TEX47: variants seen among roughly 807,000 people sequenced by gnomAD.
The protein encoded by TEX47 is testis expressed 47, also known as testis-expressed protein 47.
In TEX47, 18 loss-of-function variants were observed where a neutral mutation model predicts 18.0. That is an observed-to-expected ratio of 1.00 (90% CI 0.69 to 1.48). The LOEUF is 1.48. TEX47 is among the 40% of genes most tolerant of loss of function. The pLI, the probability that TEX47 is intolerant of heterozygous loss-of-function variation, is 0.00. For missense variants in TEX47, 303 were observed against 300.2 expected (o/e 1.01, Z -0.07); for synonymous variants, 98 against 109.4 (o/e 0.90, Z 0.65).
In TEX47 at chr7:88,794,759, T is replaced by C. The variant is rs1344173304; in HGVS notation, c.184A>G (p.Arg62Gly). ...LVAKIQANVE[R>G]KDVADYYEQM... ...TCATAGTAGTCAGCAACATCTTTTC[T>C]TTCTACATTTGCTTGTATCTTGGCC... Residue 62 changes from arginine to glycine, a missense_variant, in exon 2 of 2, where the codon AGA becomes GGA. Coordinates refer to ENST00000297203, the MANE Select transcript of TEX47 (RefSeq NM_152706.4). 6 of 1,613,502 alleles carry C rather than the reference T, an allele frequency of 3.7e-6. No individual in the cohort carries two copies. The highest frequency in any genetic ancestry group is 4.2e-6 in the Non-Finnish European group (5 of 1,179,770).
At position 88,794,228 on chromosome 7, in the gene TEX47, T is replaced by C. The variant is rs1216455688; in HGVS notation, c.715A>G (p.Ile239Val). Residue 239 changes from isoleucine to valine, a missense_variant, in exon 2 of 2, where the codon ATC becomes GTC. Ile to Val is a conservative substitution (Grantham distance 29, BLOSUM62 3). Coordinates refer to ENST00000297203, the MANE Select transcript of TEX47 (RefSeq NM_152706.4). ...FINMYNRPIH[I>V]TLDSEVVWPA... ...CATACCACCTCAGAATCCAGAGTGA[T>C]GTGTATGGGTCTATTATACATGTTT... The C allele has an allele frequency of 1.9e-6, 3 of 1,613,152 alleles. No individual in the cohort carries two copies. The African/African-American group carries it at 4.0e-5, about 22-fold the overall frequency.
intron 1 of TEX47, 106 bp from the exon 2 acceptor site, chr7:88,795,152 GAC>G (rs1201589971): frequency 7.1e-6 from 3 of 425,484 alleles, no homozygotes; most frequent in Non-Finnish European, 1.2e-5. Context: ...TGAAATGAAA[GAC>G]AATGTTAAAA....
intron 1 of TEX47, among the ~76,000 whole-genome samples, chr7:88,795,406 C>T (rs1252813310): frequency 6.6e-6 from 1 of 151,994 alleles, no homozygotes; most frequent in African/African-American, 2.4e-5. Context: ...AACCTTTAGT[C>T]ATGTCACTAA....
In TEX47 at chr7:88,795,021, C is replaced by A; in HGVS notation, c.-79G>T. 1.7e-6 allele frequency: 2 copies of A among 1,197,132 alleles called. No homozygotes were observed. The highest frequency in any genetic ancestry group is 2.3e-6 in the Non-Finnish European group (2 of 882,436). The allele number at this position is 1,197,132 out of a possible 1,614,324, so 74.2% of individuals were successfully genotyped here. A position where few individuals can be genotyped will look rare whatever the true frequency, so the allele number is the denominator to read the frequency against. Reference sequence around the variant, plus strand: ...TTTATGCTGCCAGGGTACCTCTTTACTGATGAACTCGTGTTTTTATTTCTT... The same window carrying A: ...TTTATGCTGCCAGGGTACCTCTTTAATGATGAACTCGTGTTTTTATTTCTT... On this transcript the variant is annotated 5_prime_UTR_variant, in exon 2 of 2. Coordinates refer to ENST00000297203, the MANE Select transcript of TEX47 (RefSeq NM_152706.4).
Position 88,794,780 on chromosome 7 carries a change from T to A in TEX47, c.163A>T (p.Lys55Ter), listed in dbSNP as rs967737879. ...FLLDRMFLVA[K>*]IQANVERKDV... ...TTTCTTTCTACATTTGCTTGTATCT[T>A]GGCCACTAGAAACATCCTATCAAGA... The change falls in exon 2 of 2, where the codon AAG becomes TAG. Residue 55 changes from lysine to a stop codon, truncating the protein, a stop_gained. Transcript: ENST00000297203. LOFTEE classifies it high-confidence loss of function. 1 of 1,613,808 alleles carries A rather than the reference T, an allele frequency of 6.2e-7. No homozygotes were observed.
rs535588293 is a variant in TEX47 at position 88,795,178 on chromosome 7, A to G, written c.-104-132T>C. ...ACAATGTTAAAACAATACTCAAACT[A>G]TAGACTTTTTTAAAAGTTTACAACG... On this transcript the variant is annotated intron_variant, in intron 1 of 1. Transcript: ENST00000297203. The G allele has an allele frequency of 1.0e-3, 361 of 352,536 alleles. 2 individuals are homozygous for G. The highest frequency in any genetic ancestry group is 1.6e-3 in the Middle Eastern group (2 of 1,274). 21.8% of individuals were successfully genotyped at this position (352,536 alleles called of 1,614,324 possible).
Position 88,794,711 on chromosome 7 carries a change from T to G in TEX47, c.232A>C (p.Lys78Gln), listed in dbSNP as rs145685489. 5.2e-4 allele frequency: 845 copies of G among 1,613,680 alleles called. 7 individuals are homozygous for G. In the East Asian group the frequency reaches 0.015, roughly 29 times the overall value. The change falls in exon 2 of 2, where the codon AAA becomes CAA. Residue 78 changes from lysine to glutamine, a missense_variant. Coordinates refer to ENST00000297203, the MANE Select transcript of TEX47 (RefSeq NM_152706.4). ...GTCACTGCTTCTCCTAGGTGATGTT[T>G]CAAAACTGACTGAAACATTTGTTCA... Reference protein sequence around the residue: ...YYEQMFQSVLKHHLGEAVTGL... With the variant: ...YYEQMFQSVLQHHLGEAVTGL...
At position 88,794,326 on chromosome 7, in the gene TEX47, T is replaced by C; in HGVS notation, c.617A>G (p.Asp206Gly). ...PGDNLHQVAPDLLLPEQIIKY... is the reference protein window; with the variant it reads ...PGDNLHQVAPGLLLPEQIIKY... ...TATGATTTGTTCTGGGAGGAGTAGGTCAGGTGCAACTTGGTGTAAGTTATC... is the reference window on the plus strand; with the variant it reads ...TATGATTTGTTCTGGGAGGAGTAGGCCAGGTGCAACTTGGTGTAAGTTATC... Residue 206 changes from aspartate to glycine, a missense_variant, in exon 2 of 2, where the codon GAC becomes GGC. Physicochemically the swap from Asp to Gly is moderately conservative, Grantham distance 94. Coordinates refer to ENST00000297203, the MANE Select transcript of TEX47 (RefSeq NM_152706.4). 4.3e-6 allele frequency: 7 copies of C among 1,613,924 alleles called. No individual in the cohort carries two copies. Among genetic ancestry groups the C allele is most frequent in the Non-Finnish European group, 5.9e-6 (7 of 1,179,916 alleles).
intron 1 of TEX47, 115 bp downstream of exon 1, chr7:88,795,525 C>G (rs1249738998): frequency 1.3e-5 from 2 of 152,038 alleles, no homozygotes; most frequent in African/African-American, 4.8e-5. Context: ...ATTTCTCCCC[C>G]CTTTATTTGT....
In TEX47 at chr7:88,794,825, G is replaced by T; in HGVS notation, c.118C>A (p.Leu40Ile). The change falls in exon 2 of 2, where the codon CTA becomes ATA. Residue 40 changes from leucine (L) to isoleucine (I), a missense_variant. Coordinates refer to ENST00000297203, the MANE Select transcript of TEX47 (RefSeq NM_152706.4). ...YLHFQEEKQR[L>I]HLKKFLLDRM... ...TCAAGAAGGAATTTCTTTAGGTGTA[G>T]TCGTTGTTTCTCTTCTTGAAAGTGC... The T allele has an allele frequency of 1.2e-6, 2 of 1,613,788 alleles. No homozygotes were observed. Among genetic ancestry groups the T allele is most frequent in the Non-Finnish European group, 1.7e-6 (2 of 1,179,806 alleles).
At position 88,794,131 on chromosome 7, in the gene TEX47, T is replaced by A. The variant is rs766638367; in HGVS notation, c.*50A>T. ...TAACTTTAAAAATGTTTTTTTTATTTAAGTAGCACAAACTCCTTAAGAGAC... is the reference window on the plus strand; with the variant it reads ...TAACTTTAAAAATGTTTTTTTTATTAAAGTAGCACAAACTCCTTAAGAGAC... On this transcript the variant is annotated 3_prime_UTR_variant, in exon 2 of 2. Coordinates refer to ENST00000297203, the MANE Select transcript of TEX47 (RefSeq NM_152706.4). 3.4e-6 allele frequency: 5 copies of A among 1,463,044 alleles called. No individual in the cohort carries two copies. In the South Asian group the frequency reaches 7.1e-5, roughly 21 times the overall value. 90.6% of individuals were successfully genotyped at this position (1,463,044 alleles called of 1,614,324 possible). A position where few individuals can be genotyped will look rare whatever the true frequency, so the allele number is the denominator to read the frequency against.
intron 1 of TEX47, 110 bp downstream of exon 1, chr7:88,795,530 A>G (rs1200763984): frequency 6.6e-6 from 1 of 151,420 alleles, no homozygotes; most frequent in East Asian, 1.9e-4. Flanking sequence ...TCCCCCCTTT[A>G]TTTGTTTTCT....
chr7:88,794,753 C>A lies in TEX47; in HGVS notation c.190G>T (p.Asp64Tyr). 1.2e-6 allele frequency: 2 copies of A among 1,613,480 alleles called. No homozygotes were observed. Among genetic ancestry groups the A allele is most frequent in the Non-Finnish European group, 1.7e-6 (2 of 1,179,720 alleles). ...ATTTGTTCATAGTAGTCAGCAACATCTTTTCTTTCTACATTTGCTTGTATC... is the reference window on the plus strand; with the variant it reads ...ATTTGTTCATAGTAGTCAGCAACATATTTTCTTTCTACATTTGCTTGTATC... ...AKIQANVERK[D>Y]VADYYEQMFQ... Residue 64 changes from aspartate (D) to tyrosine (Y), a missense_variant, in exon 2 of 2, where the codon GAT (aspartate) becomes TAT (tyrosine). By Grantham distance (160) the Asp-to-Tyr change is radical. Transcript: ENST00000297203.
Position 88,794,414 on chromosome 7 carries a change from G to T in TEX47, c.529C>A (p.Gln177Lys), listed in dbSNP as rs780941076. The change falls in exon 2 of 2, where the codon CAA (glutamine) becomes AAA (lysine). Residue 177 changes from glutamine to lysine, a missense_variant. Coordinates refer to ENST00000297203, the MANE Select transcript of TEX47 (RefSeq NM_152706.4). ...AGGTAGAGTGACAGTTTATGAGTTT[G>T]TGTGAGAAAATCTGTGATGACCTCC... is the stretch of plus-strand genomic sequence containing the variant. Reference protein sequence around the residue: ...LKEVITDFLTQTHKLSLYLCQ... With the variant: ...LKEVITDFLTKTHKLSLYLCQ... The T allele has an allele frequency of 6.2e-7, 1 of 1,613,692 alleles. No homozygotes were observed. The highest frequency in any genetic ancestry group is 2.2e-5 in the East Asian group (1 of 44,856).
chr7:88,794,977 C>G lies in TEX47; in HGVS notation c.-35G>C. 6.6e-7 allele frequency: 1 copy of G among 1,509,390 alleles called. No individual in the cohort carries two copies. The highest frequency in any genetic ancestry group is 2.3e-5 in the East Asian group (1 of 43,478). 93.5% of individuals were successfully genotyped at this position (1,509,390 alleles called of 1,614,324 possible). The stretch of plus-strand genomic sequence containing the variant: ...TATTTATTTTTCCAGATGATTCCAG[C>G]TTTTAGCTTATCATAATATTTATGC... On this transcript the variant is annotated 5_prime_UTR_variant, in exon 2 of 2. Transcript: ENST00000297203.
Position 88,794,459 on chromosome 7 carries a change from T to C in TEX47, c.484A>G (p.Thr162Ala), listed in dbSNP as rs201329404. ...ACCTCCTTTAGGGACTGTGACTGTGTCACATCGTCGAGATACATAACTGGA... is the reference window on the plus strand; with the variant it reads ...ACCTCCTTTAGGGACTGTGACTGTGCCACATCGTCGAGATACATAACTGGA... ...KVPVMYLDDV[T>A]QSQSLKEVIT... Residue 162 changes from threonine (T) to alanine (A), a missense_variant, in exon 2 of 2, where the codon ACA (threonine) becomes GCA (alanine). Physicochemically the swap from Thr to Ala is moderately conservative, Grantham distance 58. Transcript: ENST00000297203. The C allele has an allele frequency of 3.7e-6, 6 of 1,613,942 alleles. No homozygotes were observed. The highest frequency in any genetic ancestry group is 1.7e-5 in the Admixed American group (1 of 59,992).
rs1418895335 is a variant in TEX47, at chr7:88,794,708, G to T, written c.235C>A (p.His79Asn). Residue 79 changes from histidine to asparagine, a missense_variant, in exon 2 of 2, where the codon CAT (histidine) becomes AAT (asparagine). Physicochemically the swap from His to Asn is moderately conservative, Grantham distance 68. Coordinates refer to ENST00000297203, the MANE Select transcript of TEX47 (RefSeq NM_152706.4). ...YEQMFQSVLKHHLGEAVTGLL... is the reference protein window; with the variant it reads ...YEQMFQSVLKNHLGEAVTGLL... ...CCTGTCACTGCTTCTCCTAGGTGAT[G>T]TTTCAAAACTGACTGAAACATTTGT... 1.2e-6 allele frequency: 2 copies of T among 1,613,622 alleles called. No homozygotes were observed. Among genetic ancestry groups the T allele is most frequent in the Admixed American group, 3.3e-5 (2 of 59,928 alleles).
rs370603378 is a variant in TEX47, at chr7:88,794,976, G to A, written c.-34C>T. 1.8e-5 allele frequency: 27 copies of A among 1,510,704 alleles called. No individual in the cohort carries two copies. Among genetic ancestry groups the A allele is most frequent in the Admixed American group, 2.4e-5 (1 of 41,714 alleles). 93.6% of individuals were successfully genotyped at this position (1,510,704 alleles called of 1,614,324 possible). A position where few individuals can be genotyped will look rare whatever the true frequency, so the allele number is the denominator to read the frequency against. Reference sequence around the variant, plus strand: ...TTATTTATTTTTCCAGATGATTCCAGCTTTTAGCTTATCATAATATTTATG... The same window carrying A: ...TTATTTATTTTTCCAGATGATTCCAACTTTTAGCTTATCATAATATTTATG... On this transcript the variant is annotated 5_prime_UTR_variant, in exon 2 of 2. Transcript: ENST00000297203.
chr7:88,794,384 G>A lies in TEX47; in HGVS notation c.559C>T (p.Gln187Ter). The A allele has an allele frequency of 1.9e-6, 3 of 1,613,788 alleles. No homozygotes were observed. Among genetic ancestry groups the A allele is most frequent in the Non-Finnish European group, 2.5e-6 (3 of 1,179,826 alleles). ...QTHKLSLYLC[Q>*]TMKVGTKGPG... is the part of the protein sequence containing the mutation. ...CCTTTAGTGCCTACTTTCATAGTCT[G>A]GCAAAGGTAGAGTGACAGTTTATGA... is the stretch of plus-strand genomic sequence containing the variant. Residue 187 changes from glutamine to a stop codon, truncating the protein, a stop_gained, in exon 2 of 2, where the codon CAG becomes TAG. Transcript: ENST00000297203. LOFTEE classifies it high-confidence loss of function.
Sources: allele counts gnomAD v4.1 joint callset (sites outside exome capture counted in the v4.1 genomes callset), GRCh38; gene constraint gnomAD v4.1.1; transcripts MANE v1.5; gene names NCBI Gene and HGNC (gene_info 2026-07-23, HGNC 2026-07-21).